TAFA1: variants seen among roughly 807,000 people sequenced by gnomAD.
The protein encoded by TAFA1 is chemokine-like protein TAFA-1.
A neutral mutation model predicts 18.5 loss-of-function variants in TAFA1; 4 were observed. The ratio of observed to expected loss-of-function variants is 0.22; its 90% CI spans 0.11 to 0.49. The LOEUF (loss-of-function observed/expected upper bound fraction) is 0.49. Among genes scored for constraint, TAFA1 ranks in the 20% least tolerant of loss-of-function variants. The pLI, the probability that TAFA1 is intolerant of heterozygous loss-of-function variation, is 0.98. For missense variants in TAFA1, 147 were observed against 169.0 expected, an observed-to-expected ratio of 0.87 and a Z score of 0.72; for synonymous variants, 56 against 55.2, an observed-to-expected ratio of 1.01 and a Z score of -0.06.
rs533179933 is a variant in TAFA1, at chr3:68,046,934, TAA to T, written c.118+40195_118+40196del. 1.5e-4 allele frequency among the ~76,000 whole-genome samples: 23 copies of T among 152,324 alleles called. No individual in the cohort carries two copies. In the South Asian group the frequency reaches 4.1e-3, roughly 27 times the overall value. On this transcript the variant is annotated intron_variant, in intron 2 of 4. Coordinates refer to ENST00000478136, the MANE Select transcript of TAFA1 (RefSeq NM_213609.4). Reference sequence around the variant, plus strand: ...TATCACATAAGGCATATTGATTTTTTAAAAAACCAAGTATGTACCTCTTGCAT... The same window carrying T: ...TATCACATAAGGCATATTGATTTTTTAAAACCAAGTATGTACCTCTTGCAT...
chr3:68,260,048 C>T (rs1322949945), intron 2 of TAFA1, among the ~76,000 whole-genome samples: 1 of 152,268 alleles, frequency 6.6e-6, no homozygotes, highest in South Asian at 2.1e-4. Flanking sequence ...AGTTTTTGCC[C>T]ATTCAATATG....
intron 2 of TAFA1, among the ~76,000 whole-genome samples, chr3:68,018,514 C>T (rs1463706505): frequency 2.6e-5 from 4 of 152,218 alleles, no homozygotes; most frequent in East Asian, 3.9e-4. Context: ...CTCCTAGGGG[C>T]GGAGGACTAC....
intron 3 of TAFA1, among the ~76,000 whole-genome samples, chr3:68,484,800 T>TA (rs1354375783): frequency 5.3e-5 from 8 of 152,194 alleles, no homozygotes; most frequent in Non-Finnish European, 8.8e-5. Context: ...CCCTTCTACT[T>TA]ACTCCTCTCC....
intron 2 of TAFA1, among the ~76,000 whole-genome samples, chr3:68,067,991 G>A (rs867637085): frequency 2.0e-5 from 3 of 151,952 alleles, no homozygotes; most frequent in African/African-American, 2.4e-5. Context: ...AGTTACTGTC[G>A]GCCTCCATAA....
chr3:68,447,672 T>C (rs2071494844), intron 3 of TAFA1, among the ~76,000 whole-genome samples: 3 of 152,164 alleles, frequency 2.0e-5, no homozygotes, highest in South Asian at 2.1e-4. Flanking sequence ...CTAAAAACCA[T>C]AGGAAGCAAA....
chr3:68,524,499 A>G (rs1262228500), intron 3 of TAFA1, among the ~76,000 whole-genome samples: 32 of 152,160 alleles, frequency 2.1e-4, no homozygotes, highest in Admixed American at 1.9e-3. Flanking sequence ...TACCTGACAT[A>G]AAGAGGCAGT....
chr3:68,339,492 CATT>C (rs1315955514), intron 2 of TAFA1, among the ~76,000 whole-genome samples: 1 of 152,106 alleles, frequency 6.6e-6, no homozygotes, highest in East Asian at 1.9e-4. Flanking sequence ...TTTTTGAAGA[CATT>C]ATATTAATAT....
In TAFA1 at chr3:68,123,203, G is replaced by A. The variant is rs577051656; in HGVS notation, c.118+116459G>A. 5.3e-5 allele frequency among the ~76,000 whole-genome samples: 8 copies of A among 152,190 alleles called. No homozygotes were observed. The East Asian group carries it at 1.4e-3, about 26-fold the overall frequency. ...GATGCTAAGATGCATTGTGAGTGCA[G>A]AAGAGTGGAGGAAAGTAGAGGCACT... On this transcript the variant is annotated intron_variant, in intron 2 of 4. Coordinates refer to ENST00000478136, the MANE Select transcript of TAFA1 (RefSeq NM_213609.4).
intron 2 of TAFA1, among the ~76,000 whole-genome samples, chr3:68,365,480 C>T (rs6805785): frequency 1.3e-5 from 2 of 151,918 alleles, no homozygotes; most frequent in African/African-American, 4.8e-5. Flanking sequence ...TCCAACACTA[C>T]AATGTATAAG....
chr3:68,045,381 T>A (rs554527495), intron 2 of TAFA1, among the ~76,000 whole-genome samples: 1 of 152,178 alleles, frequency 6.6e-6, no homozygotes, highest in African/African-American at 2.4e-5. Context: ...TACAAAGGTA[T>A]CTGGCAAAAG....
intron 3 of TAFA1, among the ~76,000 whole-genome samples, chr3:68,447,590 A>G (rs2071492545): frequency 6.6e-6 from 1 of 152,236 alleles, no homozygotes; most frequent in South Asian, 2.1e-4. Flanking sequence ...CCAAAGCTCT[A>G]GACAACAGTT....
intron 2 of TAFA1, among the ~76,000 whole-genome samples, chr3:68,386,085 C>A (rs1202676580): frequency 6.6e-6 from 1 of 152,056 alleles, no homozygotes; most frequent in Non-Finnish European, 1.5e-5. Context: ...ACTATCTGGC[C>A]CTTCACAGAA....
intron 2 of TAFA1, among the ~76,000 whole-genome samples, chr3:68,022,994 A>G (rs1704730986): frequency 6.9e-6 from 1 of 144,334 alleles, no homozygotes; most frequent in African/African-American, 2.6e-5. Context: ...ACTTTGTACC[A>G]GTGAAGGAAA....
intron 3 of TAFA1, among the ~76,000 whole-genome samples, chr3:68,528,398 T>C (rs2073138200): frequency 6.6e-6 from 1 of 152,212 alleles, no homozygotes; most frequent in Non-Finnish European, 1.5e-5. Flanking sequence ...TCTTAGTCAA[T>C]ACATAATGTC....
chr3:68,275,116 A>G (rs1046801881), intron 2 of TAFA1, among the ~76,000 whole-genome samples: 1 of 152,130 alleles, frequency 6.6e-6, no homozygotes, highest in African/African-American at 2.4e-5. Context: ...ATTAATATGT[A>G]TTTGCTGAGC....
intron 2 of TAFA1, among the ~76,000 whole-genome samples, chr3:68,189,960 G>T (rs992877869): frequency 6.6e-6 from 1 of 151,776 alleles, no homozygotes; most frequent in Non-Finnish European, 1.5e-5. Context: ...GAGATTGCTT[G>T]GTGAGGATAA....
chr3:68,338,481 C>A (rs1447637362), intron 2 of TAFA1, among the ~76,000 whole-genome samples: 1 of 152,100 alleles, frequency 6.6e-6, no homozygotes, highest in African/African-American at 2.4e-5. Context: ...ACACAGATAT[C>A]ATTTTTTGAG....
chr3:68,062,621 TG>T (rs2064618582), intron 2 of TAFA1, among the ~76,000 whole-genome samples: 1 of 152,190 alleles, frequency 6.6e-6, no homozygotes, highest in South Asian at 2.1e-4. Flanking sequence ...GTTTTTCCAA[TG>T]GAAAAGTCTA....
intron 2 of TAFA1, among the ~76,000 whole-genome samples, chr3:68,086,615 A>G (rs963265874): frequency 1.3e-5 from 2 of 152,212 alleles, no homozygotes; most frequent in African/African-American, 4.8e-5. Context: ...GGATATTTTA[A>G]AAGTATCTTT....
Sources: gnomAD v4.1 joint callset for allele counts (sites outside exome capture counted in the v4.1 genomes callset) on GRCh38, gnomAD v4.1.1 for gene constraint, MANE v1.5 for transcripts, NCBI Gene and HGNC (gene_info 2026-07-23, HGNC 2026-07-21) for gene names.